The following ZNF512B variants were observed in gnomAD, a reference collection of about 807,000 sequenced individuals.
ZNF512B encodes zinc finger protein 512B.
A neutral mutation model predicts 87.8 loss-of-function variants in ZNF512B; 22 were observed. The ratio of observed to expected loss-of-function variants is 0.25; its 90% CI spans 0.18 to 0.36. The LOEUF (loss-of-function observed/expected upper bound fraction) is 0.36, where lower values mean the gene tolerates loss of function less well. Among genes scored for constraint, ZNF512B ranks in the 10% least tolerant of loss-of-function variants. ZNF512B has a pLI of 1.00. For missense variants in ZNF512B, 1,060 were observed against 1,231.6 expected, an observed-to-expected ratio of 0.86 and a Z score of 2.09; for synonymous variants, 524 against 490.9, an observed-to-expected ratio of 1.07 and a Z score of -0.89.
Position 63,962,301 on chromosome 20 carries a change from TC to T in ZNF512B, c.2236del (p.Glu746ArgfsTer59), listed in dbSNP as rs2058861658. 1 of 1,612,500 alleles carries T rather than the reference TC, an allele frequency of 6.2e-7. No homozygotes were observed. Among genetic ancestry groups the T allele is most frequent in the Non-Finnish European group, 8.5e-7 (1 of 1,179,936 alleles). ...GTTGGGACAGTTGACGTGGCCTTTC[TC>T]CTTCACTTCATTCTTCCATGCCTCT... ...LLEAWKNEVK[E>X]KGHVNCPNDC... is the part of the protein sequence containing the mutation. On this transcript the variant is annotated frameshift_variant, in exon 14 of 17. Transcript: ENST00000369888. LOFTEE classifies it high-confidence loss of function.
rs1325558477 is a variant in ZNF512B, at chr20:63,967,897, A to G, written c.54T>C (p.Ser18=). The G allele has an allele frequency of 3.7e-6, 6 of 1,612,636 alleles. No homozygotes were observed. Among genetic ancestry groups the G allele is most frequent in the Admixed American group, 1.7e-5 (1 of 59,980 alleles). Reference sequence around the variant, plus strand: ...TTCGGCTGCCATCCTTCCCGGGACCACTCTTGCTGGACCCCGGGAGCCGAC... The same window carrying G: ...TTCGGCTGCCATCCTTCCCGGGACCGCTCTTGCTGGACCCCGGGAGCCGAC... ...GGRRLPGSSK[S]GPGKDGSRKE... Residue 18 remains serine, a synonymous_variant, in exon 2 of 17, where the codon AGT becomes AGC. Transcript: ENST00000369888.
At chr20:63,962,140 T>A in intron 14 of ZNF512B, 133 bp downstream of exon 14, 2 of 1,299,286 alleles carry the variant, frequency 1.5e-6, no homozygotes, top group South Asian at 2.7e-5. Flanking sequence ...CTGGGCAGGC[T>A]GGGCATGTGA....
chr20:63,967,723 G>A, intron 2 of ZNF512B, 107 bp downstream of exon 2: 1 of 1,528,018 alleles, frequency 6.5e-7, no homozygotes, highest in Non-Finnish European at 8.8e-7. Context: ...GGGAACTCTA[G>A]GGGCCTAGCT....
In ZNF512B at chr20:63,961,918, C is replaced by A; in HGVS notation, c.2328+24G>T. 1 of 1,550,080 alleles carries A rather than the reference C, an allele frequency of 6.5e-7. No individual in the cohort carries two copies. Reference sequence around the variant, plus strand: ...GAGCTCTGAGTGCAGCGCACCTGGCCGTGGGGCAGGCCCCAGAACTGACCT... The same window carrying A: ...GAGCTCTGAGTGCAGCGCACCTGGCAGTGGGGCAGGCCCCAGAACTGACCT... On this transcript the variant is annotated intron_variant, in intron 15 of 16. Transcript: ENST00000369888. The surrounding 1 kb of genome is among the most constrained non-coding windows in gnomAD (Gnocchi z 6.4).
Position 63,958,548 on chromosome 20 carries a change from C to A in ZNF512B, c.*1340G>T, listed in dbSNP as rs2058819033. On this transcript the variant is annotated 3_prime_UTR_variant, in exon 17 of 17. Transcript: ENST00000369888. ...TCCCACCCACCCTGGAAAATGGCCT[C>A]CCTCCAAACCTACCCCCTCTGAGCC... 1 of 151,456 alleles carries A rather than the reference C, an allele frequency of 6.6e-6. No individual in the cohort carries two copies. The allele number at this position is 151,456 out of a possible 1,614,324, so 9.4% of individuals were successfully genotyped here. A position where few individuals can be genotyped will look rare whatever the true frequency, so the allele number is the denominator to read the frequency against.
intron 13 of ZNF512B, 77 bp downstream of exon 13, chr20:63,962,510 T>C (rs1161917194): frequency 2.3e-5 from 36 of 1,556,644 alleles, no homozygotes; most frequent in Non-Finnish European, 2.9e-5. Flanking sequence ...CAGCAGTGGC[T>C]GTCCCAAGTC....
At position 63,963,776 on chromosome 20, in the gene ZNF512B, G is replaced by T. The variant is rs576381823; in HGVS notation, c.1605+13C>A. 1 of 1,613,082 alleles carries T rather than the reference G, an allele frequency of 6.2e-7. No homozygotes were observed. Among genetic ancestry groups the T allele is most frequent in the South Asian group, 1.1e-5 (1 of 91,088 alleles). On this transcript the variant is annotated intron_variant, in intron 9 of 16. Coordinates refer to ENST00000369888, the MANE Select transcript of ZNF512B (RefSeq NM_020713.3). Reference sequence around the variant, plus strand: ...GGCGCCTCCCTCCCAGCGCCTTCCGGGAGCTGCCTTACCTTCTGACACACC... The same window carrying T: ...GGCGCCTCCCTCCCAGCGCCTTCCGTGAGCTGCCTTACCTTCTGACACACC...
rs141926537 is a variant in ZNF512B at position 63,962,324 on chromosome 20, C to T, written c.2214G>A (p.Glu738=). ...GLPTLNPQLL[E]AWKNEVKEKG... ...TCTCCTTCACTTCATTCTTCCATGC[C>T]TCTAGCAGCTGGGGGTTCAGCGTGG... Residue 738 remains glutamate, a synonymous_variant, in exon 14 of 17, where the codon GAG becomes GAA. Transcript: ENST00000369888. The T allele has an allele frequency of 2.7e-5, 43 of 1,613,026 alleles. No homozygotes were observed. In the African/African-American group the frequency reaches 5.1e-4, roughly 19 times the overall value.
chr20:63,959,846 C>A lies in ZNF512B; in HGVS notation c.*42G>T. 1 of 1,521,802 alleles carries A rather than the reference C, an allele frequency of 6.6e-7. No homozygotes were observed. Among genetic ancestry groups the A allele is most frequent in the Non-Finnish European group, 8.7e-7 (1 of 1,145,196 alleles). The allele number at this position is 1,521,802 out of a possible 1,614,324, so 94.3% of individuals were successfully genotyped here. On this transcript the variant is annotated 3_prime_UTR_variant, in exon 17 of 17. Transcript: ENST00000369888. ...AGCTGGCCCTGCCTTGAACAGAGGG[C>A]GGTGTGGCGGCTGCATGGGGGCCAG...
rs377484647 is a variant in ZNF512B, at chr20:63,962,573, G to C, written c.2163+14C>G. 43 of 1,600,648 alleles carry C rather than the reference G, an allele frequency of 2.7e-5. No individual in the cohort carries two copies. The highest frequency in any genetic ancestry group is 3.5e-4 in the Middle Eastern group (2 of 5,672). On this transcript the variant is annotated intron_variant, in intron 13 of 16. Transcript: ENST00000369888. ...GCCACGGCGCTGTCCACAGCCCTGG[G>C]GGGGGCAGCTCACCCGTGCGGTCTC...
chr20:63,969,032 G>A (rs1401913648), intron 1 of ZNF512B: 2 of 815,146 alleles, frequency 2.5e-6, no homozygotes, highest in African/African-American at 3.7e-5. Flanking sequence ...CTGTGTCCAG[G>A]AGGGCCAGAG....
chr20:63,961,394 G>A lies in ZNF512B; in HGVS notation c.2342C>T (p.Ala781Val). Residue 781 changes from alanine (A) to valine (V), a missense_variant, in exon 16 of 17, where the codon GCA (alanine) becomes GTA (valine). By Grantham distance (64) the Ala-to-Val change is moderately conservative. Coordinates refer to ENST00000369888, the MANE Select transcript of ZNF512B (RefSeq NM_020713.3). This position sits in a 1 kb window ranked among gnomAD's most constrained non-coding sequence, Gnocchi z 6.4. The part of the protein sequence containing the change: ...LASCSKGAHL[A>V]GKYRCLLCPK... ...ACACAGCAGACAGCGGTACTTCCCT[G>A]CCAGGTGGGCCCCCTGCAATGCATA... The A allele has an allele frequency of 6.2e-7, 1 of 1,611,946 alleles. No individual in the cohort carries two copies. Among genetic ancestry groups the A allele is most frequent in the Non-Finnish European group, 8.5e-7 (1 of 1,179,936 alleles).
rs1569197478 is a variant in ZNF512B, at chr20:63,964,584, C to T, written c.1167G>A (p.Leu389=). 6.2e-7 allele frequency: 1 copy of T among 1,613,264 alleles called. No individual in the cohort carries two copies. The highest frequency in any genetic ancestry group is 1.1e-5 in the South Asian group (1 of 91,070). The change falls in exon 6 of 17, where the codon TTG becomes TTA. Residue 389 remains leucine (L), a synonymous_variant. Transcript: ENST00000369888. ...QLSADTSSGS[L]SPGSRPSGGM... ...CCCCTGACGGCCTGCTGCCTGGCGA[C>T]AAGGAGCCACTGCTGGTGTCTGCAC... is the stretch of plus-strand genomic sequence containing the variant.
Position 63,959,669 on chromosome 20 carries a change from G to A in ZNF512B, c.*219C>T. ...CTCCTGGCTATTGCACTTCTGCTGG[G>A]CACACCTTGGGGAGCCCCAACCCAG... On this transcript the variant is annotated 3_prime_UTR_variant, in exon 17 of 17. Coordinates refer to ENST00000369888, the MANE Select transcript of ZNF512B (RefSeq NM_020713.3). The A allele has an allele frequency of 1.6e-6, 1 of 622,270 alleles. No homozygotes were observed. Among genetic ancestry groups the A allele is most frequent in the Non-Finnish European group, 2.6e-6 (1 of 379,716 alleles). 38.5% of individuals were successfully genotyped at this position (622,270 alleles called of 1,614,324 possible).
rs1271926818 is a variant in ZNF512B, at chr20:63,969,865, G to T, written c.-54C>A. The T allele has an allele frequency of 2.8e-5, 4 of 144,402 alleles. No individual in the cohort carries two copies. The highest frequency in any genetic ancestry group is 4.6e-5 in the Non-Finnish European group (3 of 64,952). The allele number at this position is 144,402 out of a possible 1,614,324, so 8.9% of individuals were successfully genotyped here. On this transcript the variant is annotated 5_prime_UTR_variant, in exon 1 of 17. Coordinates refer to ENST00000369888, the MANE Select transcript of ZNF512B (RefSeq NM_020713.3). ...GGGCCGGGCCGGGCCGGGGCGGGGG[G>T]CGCGGGGCGCGGGGCGCTGGGTCCG...
intron 1 of ZNF512B, chr20:63,969,276 C>T (rs1222338218): frequency 5.4e-6 from 4 of 744,288 alleles, no homozygotes; most frequent in East Asian, 1.3e-4. Context: ...GGGCCTGAGG[C>T]CAGGGCCAGC....
rs773589979 is a variant in ZNF512B, at chr20:63,963,609, C to T, written c.1698+9G>A. On this transcript the variant is annotated intron_variant, in intron 10 of 16. Transcript: ENST00000369888. Reference sequence around the variant, plus strand: ...TCACGCTGGACGGGAGCTGGGGGCCCGACGGTACCTTGGCACTGTGCTCGG... The same window carrying T: ...TCACGCTGGACGGGAGCTGGGGGCCTGACGGTACCTTGGCACTGTGCTCGG... The T allele has an allele frequency of 9.9e-6, 16 of 1,613,204 alleles. No homozygotes were observed. The highest frequency in any genetic ancestry group is 2.2e-5 in the East Asian group (1 of 44,880).
chr20:63,969,865 G>A lies in ZNF512B; in HGVS notation c.-54C>T, dbSNP rs1271926818. The A allele has an allele frequency of 2.1e-5, 3 of 144,402 alleles. No homozygotes were observed. Among genetic ancestry groups the A allele is most frequent in the Non-Finnish European group, 3.1e-5 (2 of 64,952 alleles). 8.9% of individuals were successfully genotyped at this position (144,402 alleles called of 1,614,324 possible). On this transcript the variant is annotated 5_prime_UTR_variant, in exon 1 of 17. Transcript: ENST00000369888. ...GGGCCGGGCCGGGCCGGGGCGGGGG[G>A]CGCGGGGCGCGGGGCGCTGGGTCCG...
At chr20:63,962,044 C>G in intron 14 of ZNF512B, 40 bp from the exon 15 acceptor site, 1 of 1,543,772 alleles carries the variant, frequency 6.5e-7, no homozygotes, top group Non-Finnish European at 8.8e-7. Context: ...CTCTGGTGGG[C>G]ACCCCACACC....
Sources: gnomAD v4.1 joint callset for allele counts on GRCh38, gnomAD v4.1.1 for gene constraint, Gnocchi (gnomAD v3.1) non-coding constraint, MANE v1.5 for transcripts, NCBI Gene and HGNC (gene_info 2026-07-23, HGNC 2026-07-21) for gene names.